The following SPAG16 variants were observed in gnomAD, a reference collection of about 807,000 sequenced individuals.
SPAG16 encodes sperm associated antigen 16.
In SPAG16, 86 loss-of-function variants were observed where a neutral mutation model predicts 80.4. The ratio of observed to expected loss-of-function variants is 1.07; its 90% CI spans 0.90 to 1.28. The LOEUF is 1.28. Among genes scored for constraint, SPAG16 ranks in the 50% most tolerant of loss-of-function variants. The pLI is 0.00. For synonymous variants in SPAG16, 294 were observed against 265.9 expected, an observed-to-expected ratio of 1.11 and a Z score of -1.03; for missense variants, 870 against 765.3, an observed-to-expected ratio of 1.14 and a Z score of -1.61.
chr2:213,531,224 G>T (rs1375910354), intron 10 of SPAG16, among the ~76,000 whole-genome samples: 1 of 152,170 alleles, frequency 6.6e-6, no homozygotes, highest in Non-Finnish European at 1.5e-5. Flanking sequence ...GATGTGCAAT[G>T]TGCTCAGGCT....
At chr2:213,324,459 A>AT (rs1045716878) in intron 5 of SPAG16, among the ~76,000 whole-genome samples, 8 of 151,988 alleles carry the variant, frequency 5.3e-5, no homozygotes, top group Non-Finnish European at 1.0e-4. Context: ...ACTTTTAAGA[A>AT]TTTTTTCACT....
chr2:213,489,667 A>G (rs2074156337), intron 9 of SPAG16, among the ~76,000 whole-genome samples: 1 of 152,140 alleles, frequency 6.6e-6, no homozygotes, highest in Non-Finnish European at 1.5e-5. Flanking sequence ...AACCAATAAT[A>G]TATGACAATG....
intron 14 of SPAG16, among the ~76,000 whole-genome samples, chr2:214,147,353 A>G (rs2055701067): frequency 6.6e-6 from 1 of 152,136 alleles, no homozygotes; most frequent in Non-Finnish European, 1.5e-5. Flanking sequence ...ACTTCCTCAA[A>G]TTTTAATATT....
intron 10 of SPAG16, among the ~76,000 whole-genome samples, chr2:213,787,200 G>C (rs13016163): frequency 0.25 from 38,151 of 151,872 alleles, 5,324 homozygotes; most frequent in Middle Eastern, 0.37. Context: ...TGCACATCCT[G>C]CACACGTACC....
intron 9 of SPAG16, among the ~76,000 whole-genome samples, chr2:213,390,401 G>A (rs1012099134): frequency 6.6e-6 from 1 of 152,072 alleles, no homozygotes; most frequent in Non-Finnish European, 1.5e-5. Flanking sequence ...AACTTATGAT[G>A]CATTTTTATT....
At chr2:214,140,954 T>TG (rs2055326865) in intron 14 of SPAG16, among the ~76,000 whole-genome samples, 1 of 29,136 alleles carries the variant, frequency 3.4e-5, no homozygotes, top group African/African-American at 1.2e-4. Flanking sequence ...GGGTGGGGGG[T>TG]GGGGGGATGT....
At chr2:214,374,909 G>A (rs1246503786) in intron 15 of SPAG16, among the ~76,000 whole-genome samples, 3 of 152,168 alleles carry the variant, frequency 2.0e-5, no homozygotes, top group Non-Finnish European at 1.5e-5. Context: ...GGCACATGGA[G>A]ATGTGGTCTG....
intron 10 of SPAG16, among the ~76,000 whole-genome samples, chr2:213,767,446 T>C (rs180905438): frequency 9.2e-5 from 14 of 151,936 alleles, no homozygotes; most frequent in Admixed American, 1.3e-4. Context: ...AATGAGAGGA[T>C]CACTTGAGCC....
At chr2:213,918,474 C>G (rs1251700462) in intron 11 of SPAG16, among the ~76,000 whole-genome samples, 1 of 152,124 alleles carries the variant, frequency 6.6e-6, no homozygotes, top group African/African-American at 2.4e-5. Flanking sequence ...AATTATAGCT[C>G]CCATAATTTC....
At chr2:213,906,770 G>A (rs1053480524) in intron 11 of SPAG16, among the ~76,000 whole-genome samples, 11 of 152,088 alleles carry the variant, frequency 7.2e-5, no homozygotes, top group Non-Finnish European at 1.0e-4. Flanking sequence ...TAGGGAAAGG[G>A]CATCCTCTTC....
rs987038004 is a variant in SPAG16, at chr2:214,149,483, G to T, written c.1720+217G>T. On this transcript the variant is annotated intron_variant, in intron 15 of 15. Coordinates refer to ENST00000331683, the MANE Select transcript of SPAG16 (RefSeq NM_024532.5). ...ATATTTAAAGTCAGAAATAATATAG[G>T]TGATAATGTGTACTAATCTAGATAG... Among the ~76,000 whole-genome samples, 12 of 151,994 alleles carry T rather than the reference G, an allele frequency of 7.9e-5. No homozygotes were observed. In the South Asian group the frequency reaches 1.7e-3, roughly 21 times the overall value.
Position 213,486,255 on chromosome 2 carries a change from C to T in SPAG16, c.943-3708C>T, listed in dbSNP as rs912719871. ...TGATCTTTTCAGCCTTCAGTAACCA[C>T]CAATCAATTCTCTGTCTTCTTAGAT... On this transcript the variant is annotated intron_variant, in intron 9 of 15. Coordinates refer to ENST00000331683, the MANE Select transcript of SPAG16 (RefSeq NM_024532.5). 1.4e-4 allele frequency among the ~76,000 whole-genome samples: 22 copies of T among 152,116 alleles called. 1 individual carries two copies. Among genetic ancestry groups the T allele is most frequent in the African/African-American group, 5.3e-4 (22 of 41,380 alleles).
intron 13 of SPAG16, among the ~76,000 whole-genome samples, chr2:214,050,945 C>T (rs909185543): frequency 5.9e-5 from 9 of 152,308 alleles, no homozygotes; most frequent in Admixed American, 1.3e-4. Context: ...CCAACATTAT[C>T]GTTGAGTAGA....
At chr2:213,956,058 A>G (rs1437720005) in intron 12 of SPAG16, among the ~76,000 whole-genome samples, 1 of 151,860 alleles carries the variant, frequency 6.6e-6, no homozygotes, top group African/African-American at 2.4e-5. Flanking sequence ...CCCAGGTTCA[A>G]GCAATTCTCC....
intron 10 of SPAG16, among the ~76,000 whole-genome samples, chr2:213,844,411 C>A (rs1342975011): frequency 6.6e-6 from 1 of 152,164 alleles, no homozygotes; most frequent in East Asian, 1.9e-4. Flanking sequence ...GGTTATCTAG[C>A]AGACTGAAGG....
At position 213,325,617 on chromosome 2, in the gene SPAG16, AAT is replaced by A. The variant is rs908184356; in HGVS notation, c.536+8264_536+8265del. Among the ~76,000 whole-genome samples the A allele has an allele frequency of 8.4e-4, 42 of 49,862 alleles. No individual in the cohort carries two copies. The South Asian group carries it at 0.047, about 56-fold the overall frequency. 32.7% of individuals were successfully genotyped at this position (49,862 alleles called of 152,430 possible). On this transcript the variant is annotated intron_variant, in intron 5 of 15. Transcript: ENST00000331683. ...TGAAAATATAACTTGATTTTGGAAA[AAT>A]ATGTGTGTGTGTGTGTGTGTGTGTG...
intron 10 of SPAG16, among the ~76,000 whole-genome samples, chr2:213,590,241 G>A (rs1244061168): frequency 6.6e-6 from 1 of 152,098 alleles, no homozygotes; most frequent in African/African-American, 2.4e-5. Context: ...GGGTACACAT[G>A]TATGTTTGTT....
chr2:214,006,083 G>C (rs1016184823), intron 12 of SPAG16, among the ~76,000 whole-genome samples: 3 of 152,062 alleles, frequency 2.0e-5, no homozygotes, highest in Non-Finnish European at 4.4e-5. Context: ...ATGAATTCTA[G>C]TATTCCCTTT....
At chr2:213,747,123 C>T (rs1024349051) in intron 10 of SPAG16, among the ~76,000 whole-genome samples, 4 of 152,036 alleles carry the variant, frequency 2.6e-5, no homozygotes, top group African/African-American at 9.7e-5. Context: ...CTTGTGTAGG[C>T]CTAGGCTAAG....
Sources: allele counts gnomAD v4.1 joint callset (sites outside exome capture counted in the v4.1 genomes callset), GRCh38; gene constraint gnomAD v4.1.1; transcripts MANE v1.5; gene names NCBI Gene and HGNC (gene_info 2026-07-23, HGNC 2026-07-21).